PLCB3: variants seen among roughly 807,000 people sequenced by gnomAD.
The protein encoded by PLCB3 is 1-phosphatidylinositol 4,5-bisphosphate phosphodiesterase beta-3.
Under a neutral mutation model 152.1 loss-of-function variants are expected in PLCB3, and 54 were observed. The ratio of observed to expected loss-of-function variants is 0.36; its 90% CI spans 0.29 to 0.45. The LOEUF (loss-of-function observed/expected upper bound fraction) is 0.45, where lower values mean the gene tolerates loss of function less well. Among genes scored for constraint, PLCB3 ranks in the 20% least tolerant of loss-of-function variants. The probability of loss-of-function intolerance (pLI) is 1.00; values close to 1 mark genes in which losing one functional copy is unlikely to be tolerated. For synonymous variants in PLCB3, 717 were observed against 698.7 expected (o/e 1.03, Z -0.41); for missense variants, 1,248 against 1,687.5 (o/e 0.74, Z 4.56).
At chr11:64,262,609 T>TCTCAGCATCCGCCTCACCCTCCTTGGCC in intron 18 of PLCB3, 38 bp from the exon 19 acceptor site, 1 of 1,612,424 alleles carries the variant, frequency 6.2e-7, no homozygotes. Flanking sequence ...GGGGCAGGAC[T>TCTCAGCATCCGCCTCACCCTCCTTGGCC]CTCAGCATCC....
At chr11:64,251,789 C>G in intron 1 of PLCB3, 41 bp downstream of exon 1, 1 of 1,195,326 alleles carries the variant, frequency 8.4e-7, no homozygotes, top group South Asian at 2.0e-5. Context: ...TCCCGGGACT[C>G]TTTCAGTCAA....
At chr11:64,268,636 T>C (rs2032261259), downstream of PLCB3, 1 of 152,304 alleles carries the variant, frequency 6.6e-6, no homozygotes, top group Non-Finnish European at 1.5e-5. Flanking sequence ...ACCTGTCCCA[T>C]GCCTCAAGAC....
At chr11:64,256,873 A>G in intron 10 of PLCB3, 109 bp downstream of exon 10, 1 of 1,237,576 alleles carries the variant, frequency 8.1e-7, no homozygotes, top group Non-Finnish European at 1.1e-6. Context: ...TTCATTGGCC[A>G]GTGCTGGGGA....
chr11:64,265,153 C>G (rs1380773152), intron 23 of PLCB3, 39 bp from the exon 24 acceptor site: 2 of 1,567,630 alleles, frequency 1.3e-6, no homozygotes, highest in African/African-American at 2.7e-5. Flanking sequence ...GCACCCCCCA[C>G]CCTGTCCTCC....
At chr11:64,263,205 A>G (rs1307464960) in intron 19 of PLCB3, among the ~76,000 whole-genome samples, 4 of 152,180 alleles carry the variant, frequency 2.6e-5, no homozygotes, top group African/African-American at 9.7e-5. Context: ...TTTCCTGCTC[A>G]TGACTCACTC....
intron 22 of PLCB3, among the ~76,000 whole-genome samples, chr11:64,264,430 G>A (rs1439610833): frequency 1.3e-5 from 2 of 152,294 alleles, no homozygotes; most frequent in East Asian, 1.9e-4. Context: ...AGTGGCTTCC[G>A]TGGGGAGGGG....
intron 22 of PLCB3, 55 bp downstream of exon 22, chr11:64,264,167 C>T (rs1456851202): frequency 5.0e-6 from 6 of 1,204,068 alleles, no homozygotes; most frequent in East Asian, 2.4e-5. Context: ...GGCCGCTGGA[C>T]ATGACTGCTG....
chr11:64,258,651 C>T lies in PLCB3; in HGVS notation c.1191C>T (p.Ala397=), dbSNP rs141037173. 136 of 1,613,930 alleles carry T rather than the reference C, an allele frequency of 8.4e-5. No individual in the cohort carries two copies. Among genetic ancestry groups the T allele is most frequent in the East Asian group, 3.1e-4 (14 of 44,878 alleles). ...TGCGCGACGTGCTGGAGGCCATTGC[C>T]GAGACTGCCTTCAAGACCTCGCCCT... The part of the protein sequence containing the change: ...VPLRDVLEAI[A]ETAFKTSPYP... The change falls in exon 11 of 31, where the codon GCC becomes GCT. Residue 397 remains alanine, a synonymous_variant. Transcript: ENST00000279230. This position sits in a 1 kb window ranked among gnomAD's most constrained non-coding sequence, Gnocchi z 7.2.
chr11:64,268,944 G>A (rs551549228), downstream of PLCB3: 1 of 152,358 alleles, frequency 6.6e-6, no homozygotes, highest in East Asian at 1.9e-4. Flanking sequence ...AATGGCCCCA[G>A]ACTTCCTCAC....
rs373432207 is a variant in PLCB3, at chr11:64,258,570, G to A, written c.1110G>A (p.Pro370=). The A allele has an allele frequency of 1.7e-5, 27 of 1,613,974 alleles. No homozygotes were observed. The highest frequency in any genetic ancestry group is 6.7e-5 in the African/African-American group (5 of 75,056). ...AGCTGGACGTGTGGAAGGGACGGCC[G>A]CCTGAGGAGGAACCCTTCATTACCC... ...CVELDVWKGR[P]PEEEPFITHG... Residue 370 remains proline (P), a synonymous_variant, in exon 11 of 31, where the codon CCG becomes CCA. Coordinates refer to ENST00000279230, the MANE Select transcript of PLCB3 (RefSeq NM_000932.5). This position sits in a 1 kb window ranked among gnomAD's most constrained non-coding sequence, Gnocchi z 7.2.
intron 22 of PLCB3, among the ~76,000 whole-genome samples, chr11:64,264,504 G>A (rs184538291): frequency 5.3e-5 from 8 of 152,338 alleles, no homozygotes; most frequent in Admixed American, 3.3e-4. Flanking sequence ...GCAGGCGGGC[G>A]GGGAGAGATG....
chr11:64,264,984 C>T lies in PLCB3; in HGVS notation c.2686C>T (p.Gln896Ter). Reference protein sequence around the residue: ...QAGQETCQDTQSQQLGSQPSS... With the variant: ...QAGQETCQDT Reference sequence around the variant, plus strand: ...TGGCCAAGAGACGTGCCAGGACACCCAGTCTCAGCAGCTGGGGTCTCAGCC... The same window carrying T: ...TGGCCAAGAGACGTGCCAGGACACCTAGTCTCAGCAGCTGGGGTCTCAGCC... Residue 896 changes from glutamine (Q) to a stop codon, truncating the protein, a stop_gained, in exon 23 of 31, where the codon CAG becomes TAG. Transcript: ENST00000279230. LOFTEE classifies it high-confidence loss of function. The T allele has an allele frequency of 1.2e-6, 2 of 1,612,492 alleles. No homozygotes were observed. The highest frequency in any genetic ancestry group is 1.7e-6 in the Non-Finnish European group (2 of 1,179,724).
Position 64,266,443 on chromosome 11 carries a change from G to A in PLCB3, c.3356+39G>A. 1.2e-6 allele frequency: 2 copies of A among 1,603,044 alleles called. No individual in the cohort carries two copies. The highest frequency in any genetic ancestry group is 8.5e-7 in the Non-Finnish European group (1 of 1,170,098). Reference sequence around the variant, plus strand: ...GACCGGGGGCCATCTGGGTACTGGGGAGGCAGGGCAGGTGTCTGGGCCCCG... The same window carrying A: ...GACCGGGGGCCATCTGGGTACTGGGAAGGCAGGGCAGGTGTCTGGGCCCCG... On this transcript the variant is annotated intron_variant, in intron 28 of 30. Coordinates refer to ENST00000279230, the MANE Select transcript of PLCB3 (RefSeq NM_000932.5). The surrounding 1 kb of genome is among the most constrained non-coding windows in gnomAD (Gnocchi z 4.9).
At chr11:64,259,723 C>G (rs962391333) in intron 13 of PLCB3, among the ~76,000 whole-genome samples, 1 of 152,152 alleles carries the variant, frequency 6.6e-6, no homozygotes, top group South Asian at 2.1e-4. Flanking sequence ...CTATGTCATC[C>G]CTTACCCCGC....
At chr11:64,259,024 G>A (rs542090886) in intron 12 of PLCB3, 34 bp from the exon 13 acceptor site, 135 of 1,612,160 alleles carry the variant, frequency 8.4e-5, no homozygotes, top group African/African-American at 2.9e-4. Flanking sequence ...CTGCGGACCC[G>A]GTCCAGGGCC....
In PLCB3 at chr11:64,262,090, C is replaced by T; in HGVS notation, c.2038+14C>T. 1.9e-6 allele frequency: 3 copies of T among 1,614,014 alleles called. No individual in the cohort carries two copies. Among genetic ancestry groups the T allele is most frequent in the East Asian group, 4.5e-5 (2 of 44,886 alleles). ...TCCAGACCCTCGGTGAGCCCTGGCC[C>T]CCTCCATCTTGACCCCGACCCTCAG... is the stretch of plus-strand genomic sequence containing the variant. On this transcript the variant is annotated intron_variant, in intron 17 of 30. Coordinates refer to ENST00000279230, the MANE Select transcript of PLCB3 (RefSeq NM_000932.5).
rs1001691491 is a variant in PLCB3 at position 64,259,225 on chromosome 11, G to A, written c.1506G>A (p.Glu502=). ...TGAGCGAGAGCTCCGCGGCCACCGA[G>A]CCCTCCTCCCCGCAGCTGGGTAGGC... is the stretch of plus-strand genomic sequence containing the variant. ...SALSESSAAT[E]PSSPQLGSPS... is the part of the protein sequence containing the mutation. Residue 502 remains glutamate (E), a synonymous_variant, in exon 13 of 31, where the codon GAG becomes GAA. Transcript: ENST00000279230. The A allele has an allele frequency of 6.5e-6, 10 of 1,549,564 alleles. No individual in the cohort carries two copies. Among genetic ancestry groups the A allele is most frequent in the East Asian group, 2.4e-5 (1 of 41,666 alleles).
At chr11:64,252,243 C>G (rs1226214678) in intron 1 of PLCB3, among the ~76,000 whole-genome samples, 4 of 152,102 alleles carry the variant, frequency 2.6e-5, no homozygotes, top group African/African-American at 9.7e-5. Context: ...CTGGTTGGCA[C>G]CCCTTCGCCC....
intron 25 of PLCB3, 133 bp downstream of exon 25, chr11:64,265,635 G>T (rs974054508): frequency 2.1e-5 from 30 of 1,408,886 alleles, no homozygotes; most frequent in Non-Finnish European, 2.8e-5. Context: ...AAGGATGGAG[G>T]AGGCTTTCCA....
Sources: gnomAD v4.1 joint callset for allele counts (sites outside exome capture counted in the v4.1 genomes callset) on GRCh38, gnomAD v4.1.1 for gene constraint, Gnocchi (gnomAD v3.1) non-coding constraint, MANE v1.5 for transcripts, NCBI Gene and HGNC (gene_info 2026-07-23, HGNC 2026-07-21) for gene names.